The following STPG2 variants were observed in gnomAD, a reference collection of about 807,000 sequenced individuals.
The protein encoded by STPG2 is sperm-tail PG-rich repeat-containing protein 2.
A neutral mutation model predicts 54.2 loss-of-function variants in STPG2; 56 were observed. The ratio of observed to expected loss-of-function variants is 1.03; its 90% CI spans 0.83 to 1.29. STPG2 has a LOEUF of 1.29. Ranked by LOEUF, STPG2 falls within the 50% of genes most tolerant of loss-of-function variation. The pLI, the probability that STPG2 is intolerant of heterozygous loss-of-function variation, is 0.00. For synonymous variants in STPG2, 200 were observed against 181.8 expected (o/e 1.10, Z -0.81); for missense variants, 596 against 544.9 (o/e 1.09, Z -0.93).
intron 10 of STPG2, among the ~76,000 whole-genome samples, chr4:97,613,622 G>A (rs1047413720): frequency 6.6e-6 from 1 of 151,594 alleles, no homozygotes; most frequent in Non-Finnish European, 1.5e-5. Context: ...TTTCTCTATT[G>A]ACAATTTATC....
intron 5 of STPG2, among the ~76,000 whole-genome samples, chr4:98,032,260 C>T (rs1233054884): frequency 6.6e-6 from 1 of 152,112 alleles, no homozygotes; most frequent in African/African-American, 2.4e-5. Context: ...AAGATACTTG[C>T]ACATGCATGT....
At chr4:97,687,390 C>G (rs1168406332) in intron 10 of STPG2, among the ~76,000 whole-genome samples, 1 of 151,482 alleles carries the variant, frequency 6.6e-6, no homozygotes, top group African/African-American at 2.4e-5. Context: ...GTAGTGCAAT[C>G]TCACCTCACT....
intron 10 of STPG2, among the ~76,000 whole-genome samples, chr4:97,689,133 A>G (rs1723287479): frequency 6.6e-6 from 1 of 152,152 alleles, no homozygotes; most frequent in South Asian, 2.1e-4. Context: ...TTTTGGTCAC[A>G]AAAAAGAAAA....
chr4:97,760,733 G>T (rs983550527), intron 9 of STPG2, among the ~76,000 whole-genome samples: 2 of 152,136 alleles, frequency 1.3e-5, no homozygotes, highest in African/African-American at 2.4e-5. Flanking sequence ...GTTTCCCATT[G>T]CTGCTGTAAC....
At chr4:97,566,918 A>G (rs966380473) in intron 10 of STPG2, among the ~76,000 whole-genome samples, 3 of 151,512 alleles carry the variant, frequency 2.0e-5, no homozygotes, top group Non-Finnish European at 4.4e-5. Flanking sequence ...GCTTTAGGAG[A>G]TATACCTAAT....
chr4:98,107,665 T>C (rs1201149000), intron 4 of STPG2, among the ~76,000 whole-genome samples: 1 of 151,996 alleles, frequency 6.6e-6, no homozygotes, highest in African/African-American at 2.4e-5. Context: ...GGCAGAAGTA[T>C]AGTGAAATGG....
intron 4 of STPG2, among the ~76,000 whole-genome samples, chr4:97,456,586 A>C (rs1230078726): frequency 6.6e-6 from 1 of 152,124 alleles, no homozygotes; most frequent in Non-Finnish European, 1.5e-5. Context: ...GAAGTCTTAA[A>C]ACTCAACAAT....
intron 5 of STPG2, among the ~76,000 whole-genome samples, chr4:98,104,808 A>C (rs75674062): frequency 1.3e-5 from 2 of 152,282 alleles, no homozygotes; most frequent in South Asian, 4.1e-4. Flanking sequence ...TGTACATTAG[A>C]TCTCACTAGA....
intron 9 of STPG2, among the ~76,000 whole-genome samples, chr4:97,732,066 T>C (rs1450334620): frequency 6.6e-6 from 1 of 152,104 alleles, no homozygotes; most frequent in East Asian, 1.9e-4. Context: ...CCCAGTCCCA[T>C]AGGAAAGACA....
Position 97,655,776 on chromosome 4 carries a change from T to A in STPG2, c.1320+56923A>T, listed in dbSNP as rs184638937. On this transcript the variant is annotated intron_variant, in intron 10 of 10. Transcript: ENST00000295268. Reference sequence around the variant, plus strand: ...TAGTTTTTCTTAAATTTGGGAATTATACAATTCTTCAAATTAATGTAGCTT... The same window carrying A: ...TAGTTTTTCTTAAATTTGGGAATTAAACAATTCTTCAAATTAATGTAGCTT... 5.3e-4 allele frequency among the ~76,000 whole-genome samples: 81 copies of A among 152,268 alleles called. 1 individual carries two copies. The East Asian group carries it at 0.011, about 21-fold the overall frequency.
At chr4:97,860,566 T>G (rs1242168419) in intron 8 of STPG2, among the ~76,000 whole-genome samples, 4 of 151,926 alleles carry the variant, frequency 2.6e-5, no homozygotes, top group Non-Finnish European at 5.9e-5. Flanking sequence ...GTTCTTGATT[T>G]GCTTCTCAGC....
At chr4:97,946,648 G>T (rs184398353) in intron 7 of STPG2, among the ~76,000 whole-genome samples, 10 of 152,162 alleles carry the variant, frequency 6.6e-5, no homozygotes, top group Non-Finnish European at 1.5e-4. Flanking sequence ...ATTGAATAGG[G>T]TGTCCATTCC....
chr4:98,042,286 T>C (rs1478290187), intron 5 of STPG2, among the ~76,000 whole-genome samples: 4 of 151,892 alleles, frequency 2.6e-5, no homozygotes, highest in Admixed American at 2.6e-4. Context: ...ACTTTTCATT[T>C]CATTGATTTT....
At chr4:97,993,374 C>G (rs1427537219) in intron 5 of STPG2, among the ~76,000 whole-genome samples, 1 of 151,996 alleles carries the variant, frequency 6.6e-6, no homozygotes, top group Non-Finnish European at 1.5e-5. Flanking sequence ...TGTAGTATAT[C>G]ACATTTATTG....
chr4:98,092,123 T>C (rs1349351239), intron 5 of STPG2, among the ~76,000 whole-genome samples: 1 of 152,102 alleles, frequency 6.6e-6, no homozygotes, highest in East Asian at 1.9e-4. Context: ...GAATTATTGT[T>C]TAAGCAATAA....
At chr4:98,117,273 C>T (rs1739546745) in intron 3 of STPG2, among the ~76,000 whole-genome samples, 1 of 151,966 alleles carries the variant, frequency 6.6e-6, no homozygotes, top group African/African-American at 2.4e-5. Flanking sequence ...CTCCCTCTGA[C>T]CTCATGATTT....
chr4:97,577,881 A>T (rs577287107), intron 10 of STPG2, among the ~76,000 whole-genome samples: 1 of 152,280 alleles, frequency 6.6e-6, no homozygotes, highest in South Asian at 2.1e-4. Context: ...TAATGTATAC[A>T]ATACAGTTAA....
intron 8 of STPG2, among the ~76,000 whole-genome samples, chr4:97,902,162 T>C (rs908218151): frequency 2.0e-5 from 3 of 151,982 alleles, no homozygotes; most frequent in Non-Finnish European, 2.9e-5. Flanking sequence ...CAAAATCAAT[T>C]AAAGACTTAA....
At chr4:97,620,202 A>T (rs376041574) in intron 10 of STPG2, among the ~76,000 whole-genome samples, 10 of 152,210 alleles carry the variant, frequency 6.6e-5, no homozygotes, top group African/African-American at 2.2e-4. Flanking sequence ...CCGAAATAAC[A>T]TTATCAATGC....
Sources: gnomAD v4.1 joint callset for allele counts (sites outside exome capture counted in the v4.1 genomes callset) on GRCh38, gnomAD v4.1.1 for gene constraint, MANE v1.5 for transcripts, NCBI Gene and HGNC (gene_info 2026-07-23, HGNC 2026-07-21) for gene names.